Variants in TMEM178B observed in about 807,000 individuals in gnomAD.
The protein encoded by TMEM178B is transmembrane protein 178B.
TMEM178B carries 5 observed loss-of-function variants against 31.0 expected under a neutral mutation model. That is an observed-to-expected ratio of 0.16 (90% confidence interval 0.08 to 0.34). The LOEUF (loss-of-function observed/expected upper bound fraction) is 0.34, where lower values mean the gene tolerates loss of function less well. Ranked by LOEUF, TMEM178B falls within the 10% of genes least tolerant of loss-of-function variation. The pLI, the probability that TMEM178B is intolerant of heterozygous loss-of-function variation, is 1.00. For missense variants in TMEM178B, 275 were observed against 400.3 expected, an observed-to-expected ratio of 0.69 and a Z score of 2.67; for synonymous variants, 164 against 164.0, an observed-to-expected ratio of 1.00 and a Z score of 0.00.
intron 2 of TMEM178B, among the ~76,000 whole-genome samples, chr7:141,417,220 AT>A (rs1192712520): frequency 6.6e-6 from 1 of 152,184 alleles, no homozygotes; most frequent in Non-Finnish European, 1.5e-5. Flanking sequence ...GGATTCCTTC[AT>A]CCCATAGAGA....
intron 2 of TMEM178B, among the ~76,000 whole-genome samples, chr7:141,288,186 G>A (rs1798479715): frequency 7.5e-6 from 1 of 133,086 alleles, no homozygotes; most frequent in Non-Finnish European, 1.7e-5. Context: ...CTCTTTAGAT[G>A]CCTCTACTCT....
At chr7:141,370,952 G>C (rs1800104846) in intron 2 of TMEM178B, among the ~76,000 whole-genome samples, 1 of 152,244 alleles carries the variant, frequency 6.6e-6, no homozygotes, top group Non-Finnish European at 1.5e-5. Context: ...ACCAGGTTCA[G>C]GGGATGAATG....
intron 2 of TMEM178B, among the ~76,000 whole-genome samples, chr7:141,215,348 T>C (rs1454228596): frequency 6.6e-6 from 1 of 151,462 alleles, no homozygotes; most frequent in African/African-American, 2.4e-5. Context: ...TTTTTTGAGA[T>C]GGAGTCTCAC....
chr7:141,348,682 A>G (rs572816061), intron 2 of TMEM178B, among the ~76,000 whole-genome samples: 2 of 152,268 alleles, frequency 1.3e-5, no homozygotes, highest in Non-Finnish European at 2.9e-5. Flanking sequence ...TAGGTTACAA[A>G]GAAATCAGAA....
intron 2 of TMEM178B, chr7:141,351,906 G>A (rs1330785687): frequency 1.3e-5 from 2 of 152,428 alleles, no homozygotes; most frequent in African/African-American, 4.8e-5. Flanking sequence ...TTGAGAGGCT[G>A]TGAGACAGGG....
At chr7:141,310,238 A>G (rs980940524) in intron 2 of TMEM178B, among the ~76,000 whole-genome samples, 3 of 152,170 alleles carry the variant, frequency 2.0e-5, no homozygotes, top group Non-Finnish European at 4.4e-5. Flanking sequence ...ATTTACAAGA[A>G]AAAAACAGTC....
intron 2 of TMEM178B, among the ~76,000 whole-genome samples, chr7:141,237,750 G>A (rs1797552576): frequency 6.6e-6 from 1 of 152,112 alleles, no homozygotes; most frequent in Non-Finnish European, 1.5e-5. Flanking sequence ...AGGGCTGGGC[G>A]TGGTGTCTCA....
At chr7:141,317,971 GT>G (rs1799035490) in intron 2 of TMEM178B, among the ~76,000 whole-genome samples, 1 of 152,138 alleles carries the variant, frequency 6.6e-6, no homozygotes, top group Non-Finnish European at 1.5e-5. Context: ...ACCACCTAAT[GT>G]TTATTTTAAT....
chr7:141,278,472 AC>A (rs1421744225), intron 2 of TMEM178B, among the ~76,000 whole-genome samples: 2 of 152,178 alleles, frequency 1.3e-5, no homozygotes, highest in African/African-American at 4.8e-5. Flanking sequence ...AATCCCAGCT[AC>A]TTGGGAGGCT....
rs1434923026 is a variant in TMEM178B at position 141,476,493 on chromosome 7, G to A, written c.*5707G>A. ...ATTTCTAGCTGTACATTCCCAAAAG[G>A]AATGGGTGGAAGCAAATCAGATTCT... On this transcript the variant is annotated 3_prime_UTR_variant, in exon 4 of 4. Coordinates refer to ENST00000565468, the MANE Select transcript of TMEM178B (RefSeq NM_001195278.2). 6.6e-6 allele frequency: 1 copy of A among 152,048 alleles called. No homozygotes were observed. The highest frequency in any genetic ancestry group is 1.9e-4 in the East Asian group (1 of 5,184). 9.4% of individuals were successfully genotyped at this position (152,048 alleles called of 1,614,324 possible).
chr7:141,296,057 C>T (rs1798627250), intron 2 of TMEM178B, among the ~76,000 whole-genome samples: 1 of 151,870 alleles, frequency 6.6e-6, no homozygotes, highest in South Asian at 2.1e-4. Flanking sequence ...TGCACTGCAG[C>T]CAAAGGGGAA....
intron 1 of TMEM178B, among the ~76,000 whole-genome samples, chr7:141,159,460 C>T (rs895298777): frequency 6.6e-6 from 1 of 152,182 alleles, no homozygotes; most frequent in Non-Finnish European, 1.5e-5. Context: ...ATACACCCCC[C>T]AGAATTGAAA....
chr7:141,335,910 T>C (rs1200000028), intron 2 of TMEM178B, among the ~76,000 whole-genome samples: 4 of 152,176 alleles, frequency 2.6e-5, no homozygotes, highest in Non-Finnish European at 1.5e-5. Context: ...GAAGCCGGGC[T>C]CTATGCGTGA....
Position 141,105,704 on chromosome 7 carries a change from C to T in TMEM178B, c.382+31012C>T, listed in dbSNP as rs923580804. Among the ~76,000 whole-genome samples the T allele has an allele frequency of 2.0e-5, 3 of 152,270 alleles. No homozygotes were observed. In the South Asian group the frequency reaches 6.2e-4, roughly 32 times the overall value. ...TAAAATGCTCTAAATAGCTCTAGAA[C>T]AAAGTGTTTGGTCATTAGAAGACGA... On this transcript the variant is annotated intron_variant, in intron 1 of 3. Coordinates refer to ENST00000565468, the MANE Select transcript of TMEM178B (RefSeq NM_001195278.2).
intron 2 of TMEM178B, among the ~76,000 whole-genome samples, chr7:141,239,266 T>C (rs1797578536): frequency 1.3e-5 from 2 of 152,062 alleles, no homozygotes. Context: ...GAAATGGAGC[T>C]TTGTATGCAG....
At chr7:141,308,384 AAAAGCAGAAC>A (rs1798853331) in intron 2 of TMEM178B, among the ~76,000 whole-genome samples, 1 of 152,186 alleles carries the variant, frequency 6.6e-6, no homozygotes, top group South Asian at 2.1e-4. Flanking sequence ...AAAATTTTTT[AAAAGCAGAAC>A]CATTTGTGTG....
chr7:141,162,199 G>A (rs1284133922), intron 1 of TMEM178B, among the ~76,000 whole-genome samples: 1 of 152,212 alleles, frequency 6.6e-6, no homozygotes, highest in African/African-American at 2.4e-5. Flanking sequence ...GGAGGCTGAC[G>A]CGTGACGCCT....
At chr7:141,467,145 A>G (rs574124376) in intron 3 of TMEM178B, among the ~76,000 whole-genome samples, 40 of 152,256 alleles carry the variant, frequency 2.6e-4, no homozygotes, top group Admixed American at 9.8e-4. Flanking sequence ...GGAACTTGTA[A>G]AAACTATAGA....
intron 2 of TMEM178B, among the ~76,000 whole-genome samples, chr7:141,396,173 C>A (rs556694222): frequency 3.3e-5 from 5 of 152,252 alleles, no homozygotes; most frequent in African/African-American, 9.6e-5. Context: ...GCCATCACAG[C>A]AGGGAAAGAG....
Sources: allele counts gnomAD v4.1 joint callset (sites outside exome capture counted in the v4.1 genomes callset), GRCh38; gene constraint gnomAD v4.1.1; transcripts MANE v1.5; gene names NCBI Gene and HGNC (gene_info 2026-07-23, HGNC 2026-07-21).